Variants in C14orf39 observed in about 807,000 individuals in gnomAD.
C14orf39 encodes the protein protein SIX6OS1.
In C14orf39, 66 loss-of-function variants were observed where a neutral mutation model predicts 85.6. The ratio of observed to expected loss-of-function variants is 0.77; its 90% confidence interval spans 0.63 to 0.95. C14orf39 has a LOEUF of 0.95. Ranked by LOEUF, C14orf39 falls within the 40% of genes least tolerant of loss-of-function variation. The pLI, the probability that C14orf39 is intolerant of heterozygous loss-of-function variation, is 0.00. For missense variants in C14orf39, 735 were observed against 663.9 expected (o/e 1.11, Z -1.18); for synonymous variants, 242 against 214.0 (o/e 1.13, Z -1.14).
In C14orf39 at chr14:60,472,948, A is replaced by T. The variant is rs1892174349; in HGVS notation, c.324-1209T>A. On this transcript the variant is annotated intron_variant, in intron 5 of 17. Transcript: ENST00000321731. ...AATGGGATGGCTGGGTCAAACGGTAATTCTAGTTCTAGATCCCTGAGGAAT... is the reference window on the plus strand; with the variant it reads ...AATGGGATGGCTGGGTCAAACGGTATTTCTAGTTCTAGATCCCTGAGGAAT... 1.3e-4 allele frequency among the ~76,000 whole-genome samples: 20 copies of T among 152,142 alleles called. No homozygotes were observed. The South Asian group carries it at 3.5e-3, about 27-fold the overall frequency.
upstream of C14orf39, among the ~76,000 whole-genome samples, chr14:60,487,953 T>C (rs189768684): frequency 1.1e-4 from 17 of 152,354 alleles, no homozygotes; most frequent in Non-Finnish European, 2.2e-4. Context: ...TGCCCATTTT[T>C]AATCAGATTG....
At chr14:60,503,107 G>A (rs1893166087) in intron 1 of C14orf39, among the ~76,000 whole-genome samples, 1 of 152,154 alleles carries the variant, frequency 6.6e-6, no homozygotes, top group African/African-American at 2.4e-5. Context: ...GACACCTCAA[G>A]TCCAATCTCT....
chr14:60,490,048 T>C (rs959360500), upstream of C14orf39, among the ~76,000 whole-genome samples: 8 of 152,158 alleles, frequency 5.3e-5, no homozygotes, highest in Non-Finnish European at 8.8e-5. Context: ...AGCTGCATGA[T>C]TTTTCTCCCA....
At chr14:60,440,117 C>A (rs944521170) in intron 17 of C14orf39, among the ~76,000 whole-genome samples, 3 of 152,132 alleles carry the variant, frequency 2.0e-5, no homozygotes, top group Non-Finnish European at 4.4e-5. Flanking sequence ...TTTTAGATGG[C>A]AGACATTTAA....
At chr14:60,447,714 C>CA (rs1566657026) in intron 16 of C14orf39, among the ~76,000 whole-genome samples, 1 of 151,800 alleles carries the variant, frequency 6.6e-6, no homozygotes, top group Admixed American at 6.6e-5. Context: ...ATATGGAACC[C>CA]AAAAAAAGCC....
intron 1 of C14orf39, chr14:60,510,080 G>A (rs1490710139): frequency 3.0e-6 from 3 of 992,702 alleles, no homozygotes; most frequent in South Asian, 2.8e-5. Context: ...CAGGAGTTGG[G>A]AGCGCGGTCT....
chr14:60,487,137 G>C (rs555596583), upstream of C14orf39, among the ~76,000 whole-genome samples: 1 of 152,190 alleles, frequency 6.6e-6, no homozygotes, highest in South Asian at 2.1e-4. Flanking sequence ...GAACCTTTAA[G>C]ATCTACTCTC....
At chr14:60,470,643 A>G (rs1222530596) in intron 7 of C14orf39, among the ~76,000 whole-genome samples, 2 of 151,932 alleles carry the variant, frequency 1.3e-5, no homozygotes, top group Admixed American at 1.3e-4. Context: ...TAAAGCGCAA[A>G]TGGGCAGCAA....
chr14:60,508,916 T>G (rs1051970566), intron 1 of C14orf39: 2 of 187,564 alleles, frequency 1.1e-5, no homozygotes, highest in African/African-American at 2.4e-5. Flanking sequence ...GGAGGAGTAG[T>G]GAACGCTGCC....
chr14:60,462,326 C>T (rs1270988244), intron 11 of C14orf39, among the ~76,000 whole-genome samples: 1 of 152,060 alleles, frequency 6.6e-6, no homozygotes, highest in Non-Finnish European at 1.5e-5. Flanking sequence ...GATTTCAAGG[C>T]TACAGTGAGC....
intron 1 of C14orf39, chr14:60,509,137 G>T (rs2140187367): frequency 1.9e-6 from 1 of 522,672 alleles, no homozygotes; most frequent in East Asian, 3.5e-5. Context: ...CCGCCAATCC[G>T]CCCACCCCAA....
At chr14:60,467,481 T>C (rs1026114068) in intron 9 of C14orf39, among the ~76,000 whole-genome samples, 1 of 151,790 alleles carries the variant, frequency 6.6e-6, no homozygotes, top group African/African-American at 2.4e-5. Flanking sequence ...TCTTTTAAGT[T>C]TTTTACTGAA....
At chr14:60,456,286 T>C (rs1891273092) in intron 15 of C14orf39, among the ~76,000 whole-genome samples, 1 of 152,050 alleles carries the variant, frequency 6.6e-6, no homozygotes. Flanking sequence ...ATGTTAGAGA[T>C]ATTTATGCCT....
Position 60,469,551 on chromosome 14 carries a change from T to A in C14orf39, c.657A>T (p.Glu219Asp). The A allele has an allele frequency of 6.8e-7, 1 of 1,464,250 alleles. No homozygotes were observed. The highest frequency in any genetic ancestry group is 9.2e-7 in the Non-Finnish European group (1 of 1,084,510). The allele number at this position is 1,464,250 out of a possible 1,614,324, so 90.7% of individuals were successfully genotyped here. A position where few individuals can be genotyped will look rare whatever the true frequency, so the allele number is the denominator to read the frequency against. The change falls in exon 8 of 18, where the codon GAA becomes GAT. Residue 219 changes from glutamate to aspartate, a missense_variant. Physicochemically the swap from Glu to Asp is conservative, Grantham distance 45. Coordinates refer to ENST00000321731, the MANE Select transcript of C14orf39 (RefSeq NM_174978.3). ...LKKEVDEMEI[E>D]INYLNQQISR... ...TATATACCTGGTTTAAATAATTAAT[T>A]TCTATTTCCATTTCATCTACTTCTT...
At chr14:60,480,499 T>C (rs1292619897) in intron 4 of C14orf39, among the ~76,000 whole-genome samples, 2 of 152,114 alleles carry the variant, frequency 1.3e-5, no homozygotes, top group African/African-American at 4.8e-5. Context: ...TTGGACACTG[T>C]TGGTGGAAGT....
chr14:60,504,072 C>T lies in C14orf39; in HGVS notation c.-143-4642G>A, dbSNP rs148645056. On this transcript the variant is annotated intron_variant, in intron 1 of 5. Transcript: ENST00000556799. Reference sequence around the variant, plus strand: ...TGCACCCACTAGATGCCAACTGAGACTACCGAAACTGTCTCCAGATATTGA... The same window carrying T: ...TGCACCCACTAGATGCCAACTGAGATTACCGAAACTGTCTCCAGATATTGA... 2.7e-3 allele frequency among the ~76,000 whole-genome samples: 416 copies of T among 152,298 alleles called. 2 individuals carry two copies. The highest frequency in any genetic ancestry group is 5.0e-3 in the Admixed American group (76 of 15,300).
intron 16 of C14orf39, among the ~76,000 whole-genome samples, chr14:60,449,441 C>A (rs752515819): frequency 6.6e-6 from 1 of 152,084 alleles, no homozygotes; most frequent in East Asian, 1.9e-4. Flanking sequence ...ATTATAAAAT[C>A]TTTGGTTTCA....
At chr14:60,485,661 C>T (rs1892851317) in intron 1 of C14orf39, among the ~76,000 whole-genome samples, 1 of 152,186 alleles carries the variant, frequency 6.6e-6, no homozygotes, top group Non-Finnish European at 1.5e-5. Context: ...CCCTCAGAGC[C>T]CAGGAACCAC....
At chr14:60,463,946 T>TC (rs1402978711) in intron 11 of C14orf39, among the ~76,000 whole-genome samples, 1 of 152,084 alleles carries the variant, frequency 6.6e-6, no homozygotes, top group Admixed American at 6.6e-5. Context: ...GCCTATCCTA[T>TC]CCAAAATCTA....
Sources: gnomAD v4.1 joint callset for allele counts (sites outside exome capture counted in the v4.1 genomes callset) on GRCh38, gnomAD v4.1.1 for gene constraint, MANE v1.5 for transcripts, NCBI Gene and HGNC (gene_info 2026-07-23, HGNC 2026-07-21) for gene names.